Variants in TENT4B observed in about 807,000 individuals in gnomAD.
TENT4B encodes terminal nucleotidyltransferase 4B.
TENT4B carries 10 observed loss-of-function variants against 75.0 expected under a neutral mutation model. That is an observed-to-expected ratio of 0.13 (90% CI 0.08 to 0.23). The LOEUF (loss-of-function observed/expected upper bound fraction) is 0.23. Ranked by LOEUF, TENT4B falls within the 10% of genes least tolerant of loss-of-function variation. TENT4B has a pLI of 1.00. For synonymous variants in TENT4B, 350 were observed against 357.7 expected, an observed-to-expected ratio of 0.98 and a Z score of 0.24; for missense variants, 579 against 893.8, an observed-to-expected ratio of 0.65 and a Z score of 4.49.
chr16:50,216,289 A>G, intron 4 of TENT4B, 94 bp downstream of exon 4: 1 of 1,451,272 alleles, frequency 6.9e-7, no homozygotes, highest in Non-Finnish European at 9.4e-7. Context: ...TTGCATTGCA[A>G]GTGAGTGATT....
At chr16:50,213,240 G>A (rs1403123982) in intron 2 of TENT4B, among the ~76,000 whole-genome samples, 1 of 152,138 alleles carries the variant, frequency 6.6e-6, no homozygotes, top group Non-Finnish European at 1.5e-5. Flanking sequence ...TGTAATTTTA[G>A]TAGAGGTGGG....
intron 1 of TENT4B, among the ~76,000 whole-genome samples, chr16:50,197,739 A>G (rs1420535043): frequency 6.6e-6 from 1 of 152,234 alleles, no homozygotes; most frequent in Non-Finnish European, 1.5e-5. Flanking sequence ...AGGTACAGAA[A>G]CAGCCGGATT....
intron 5 of TENT4B, among the ~76,000 whole-genome samples, chr16:50,220,563 C>T (rs2031781083): frequency 6.6e-6 from 1 of 152,100 alleles, no homozygotes; most frequent in South Asian, 2.1e-4. Context: ...GAGTCTTGCT[C>T]TGTCACTCAG....
chr16:50,181,983 G>T (rs2038424460), intron 1 of TENT4B, among the ~76,000 whole-genome samples: 1 of 152,166 alleles, frequency 6.6e-6, no homozygotes, highest in African/African-American at 2.4e-5. Context: ...ATCAAGAGAT[G>T]CCAGGCATGG....
intron 1 of TENT4B, among the ~76,000 whole-genome samples, chr16:50,173,472 A>G (rs2038244562): frequency 6.6e-6 from 1 of 152,156 alleles, no homozygotes; most frequent in Non-Finnish European, 1.5e-5. Context: ...TTAGTTTTGT[A>G]AGAAACTGCC....
chr16:50,217,704 C>T lies in TENT4B; in HGVS notation c.1038+41C>T, dbSNP rs188953217. 3.2e-5 allele frequency: 38 copies of T among 1,188,468 alleles called. No individual in the cohort carries two copies. In the Middle Eastern group the frequency reaches 9.5e-4, roughly 30 times the overall value. 73.6% of individuals were successfully genotyped at this position (1,188,468 alleles called of 1,614,324 possible). Reference sequence around the variant, plus strand: ...GTTTATACAACAAAACTATTAGAAACGTAATTTTAAGATTCTGTTGTGGTG... The same window carrying T: ...GTTTATACAACAAAACTATTAGAAATGTAATTTTAAGATTCTGTTGTGGTG... On this transcript the variant is annotated intron_variant, in intron 5 of 11. Coordinates refer to ENST00000561678, the MANE Select transcript of TENT4B (RefSeq NM_001365324.3).
At position 50,165,474 on chromosome 16, in the gene TENT4B, GTACA is replaced by G. The variant is rs2038082375; in HGVS notation, c.638+11216_638+11219del. Among the ~76,000 whole-genome samples the G allele has an allele frequency of 5.4e-5, 7 of 129,332 alleles. No individual in the cohort carries two copies. The Admixed American group carries it at 5.8e-4, about 11-fold the overall frequency. 84.8% of individuals were successfully genotyped at this position (129,332 alleles called of 152,430 possible). ...ACCATAAATTTAACCCTTTTAAAGT[GTACA>G]GTTCAGTGGTTTTCATATATTAGAA... On this transcript the variant is annotated intron_variant, in intron 1 of 11. Coordinates refer to ENST00000561678, the MANE Select transcript of TENT4B (RefSeq NM_001365324.3).
chr16:50,198,000 T>C (rs1050455189), intron 1 of TENT4B, among the ~76,000 whole-genome samples: 1 of 152,066 alleles, frequency 6.6e-6, no homozygotes, highest in Non-Finnish European at 1.5e-5. Context: ...GCCCTCACCA[T>C]GTTATTTGAT....
chr16:50,217,009 A>T (rs1462225964), intron 4 of TENT4B, among the ~76,000 whole-genome samples: 2 of 152,178 alleles, frequency 1.3e-5, no homozygotes, highest in African/African-American at 4.8e-5. Context: ...AGTGGGTTGT[A>T]GTGTACACCT....
intron 1 of TENT4B, among the ~76,000 whole-genome samples, chr16:50,200,791 T>G (rs749449069): frequency 6.6e-6 from 1 of 151,270 alleles, no homozygotes; most frequent in Non-Finnish European, 1.5e-5. Flanking sequence ...TATTTTTGTG[T>G]TTTTTATTTT....
In TENT4B at chr16:50,231,208, TAG is replaced by T; in HGVS notation, c.*1883_*1884del. 1.0e-6 allele frequency: 1 copy of T among 985,266 alleles called. No individual in the cohort carries two copies. Among genetic ancestry groups the T allele is most frequent in the African/African-American group, 1.7e-5 (1 of 57,360 alleles). 61.0% of individuals were successfully genotyped at this position (985,266 alleles called of 1,614,324 possible). On this transcript the variant is annotated 3_prime_UTR_variant, in exon 12 of 12. Transcript: ENST00000561678. ...GTTATTTTGACAATGTTTTAAATTT[TAG>T]AGTCACATTTTATTCTGATCAGAAT...
chr16:50,185,772 C>T (rs2038514188), intron 1 of TENT4B, among the ~76,000 whole-genome samples: 2 of 152,034 alleles, frequency 1.3e-5, no homozygotes, highest in South Asian at 4.1e-4. Flanking sequence ...CTCAGATTCA[C>T]CTGCACACCC....
Position 50,211,454 on chromosome 16 carries a change from C to A in TENT4B, c.762+8C>A. 1 of 1,566,706 alleles carries A rather than the reference C, an allele frequency of 6.4e-7. No individual in the cohort carries two copies. Among genetic ancestry groups the A allele is most frequent in the South Asian group, 1.2e-5 (1 of 81,008 alleles). ...CTCTGGCCCAGCGCTGACGTGAGTCCCTTCCTGGGTAGCTTATGCTTCGGA... is the reference window on the plus strand; with the variant it reads ...CTCTGGCCCAGCGCTGACGTGAGTCACTTCCTGGGTAGCTTATGCTTCGGA... On this transcript the variant is annotated splice_region_variant and intron_variant, in intron 2 of 11. Transcript: ENST00000561678.
intron 1 of TENT4B, among the ~76,000 whole-genome samples, chr16:50,209,434 CTCAAA>C (rs901597505): frequency 1.8e-4 from 27 of 152,282 alleles, no homozygotes; most frequent in Admixed American, 5.2e-4. Context: ...ACCTGGGAAA[CTCAAA>C]TCAAAACAAA....
At chr16:50,201,351 A>T (rs1336418016) in intron 1 of TENT4B, among the ~76,000 whole-genome samples, 3 of 152,024 alleles carry the variant, frequency 2.0e-5, no homozygotes, top group African/African-American at 7.2e-5. Context: ...AGCCTGGCCA[A>T]CATGGTGAAA....
rs2038553810 is a variant in TENT4B, at chr16:50,187,515, G to A, written c.639-23808G>A. 3.3e-5 allele frequency among the ~76,000 whole-genome samples: 5 copies of A among 152,284 alleles called. No individual in the cohort carries two copies. The Middle Eastern group carries it at 0.01, about 311-fold the overall frequency. On this transcript the variant is annotated intron_variant, in intron 1 of 11. Coordinates refer to ENST00000561678, the MANE Select transcript of TENT4B (RefSeq NM_001365324.3). ...GGAGAATTGCTTGAACACAGGAGGCGGAGGTTGCAGTGAGCCGAGATTGTG... is the reference window on the plus strand; with the variant it reads ...GGAGAATTGCTTGAACACAGGAGGCAGAGGTTGCAGTGAGCCGAGATTGTG...
chr16:50,229,781 G>GTT lies in TENT4B; in HGVS notation c.*462_*463dup. On this transcript the variant is annotated 3_prime_UTR_variant, in exon 12 of 12. Transcript: ENST00000561678. ...CCAAAGGGGAAAGTGATCTGTGCAT[G>GTT]TTTTTTTTTTAAATATTTTTGCATA... is the stretch of plus-strand genomic sequence containing the variant. 1 of 914,422 alleles carries GTT rather than the reference G, an allele frequency of 1.1e-6. No homozygotes were observed. Among genetic ancestry groups the GTT allele is most frequent in the Non-Finnish European group, 1.3e-6 (1 of 766,898 alleles). The allele number at this position is 914,422 out of a possible 1,614,324, so 56.6% of individuals were successfully genotyped here. A position where few individuals can be genotyped will look rare whatever the true frequency, so the allele number is the denominator to read the frequency against.
Position 50,231,363 on chromosome 16 carries a change from T to A in TENT4B, c.*2035T>A. ...ATGTTTACTGCTAAGGGAACAATTA[T>A]TTATAAAATAATATTAAATCCAGTA... is the stretch of plus-strand genomic sequence containing the variant. On this transcript the variant is annotated 3_prime_UTR_variant, in exon 12 of 12. Transcript: ENST00000561678. The A allele has an allele frequency of 1.0e-6, 1 of 980,732 alleles. No homozygotes were observed. Among genetic ancestry groups the A allele is most frequent in the South Asian group, 4.7e-5 (1 of 21,212 alleles). 60.8% of individuals were successfully genotyped at this position (980,732 alleles called of 1,614,324 possible).
chr16:50,193,490 G>A (rs957898914), intron 1 of TENT4B, among the ~76,000 whole-genome samples: 35 of 151,786 alleles, frequency 2.3e-4, no homozygotes, highest in African/African-American at 8.0e-4. Flanking sequence ...GGTGCCCACC[G>A]CCACGCCCGG....
Sources: gnomAD v4.1 joint callset for allele counts (sites outside exome capture counted in the v4.1 genomes callset) on GRCh38, gnomAD v4.1.1 for gene constraint, MANE v1.5 for transcripts, NCBI Gene and HGNC (gene_info 2026-07-23, HGNC 2026-07-21) for gene names.